GAB1: variants seen among roughly 807,000 people sequenced by gnomAD.
The protein encoded by GAB1 is GRB2-associated-binding protein 1.
In GAB1, 19 loss-of-function variants were observed where a neutral mutation model predicts 66.5. The ratio of observed to expected loss-of-function variants is 0.29; its 90% CI spans 0.20 to 0.42. The LOEUF (loss-of-function observed/expected upper bound fraction) is 0.42, where lower values mean the gene tolerates loss of function less well. GAB1 is among the 10% of genes least tolerant of loss of function. The pLI is 1.00. For missense variants in GAB1, 732 were observed against 858.5 expected, an observed-to-expected ratio of 0.85 and a Z score of 1.84; for synonymous variants, 294 against 301.4, an observed-to-expected ratio of 0.98 and a Z score of 0.25.
chr4:143,351,168 C>G (rs1302407279), intron 1 of GAB1, among the ~76,000 whole-genome samples: 1 of 152,214 alleles, frequency 6.6e-6, no homozygotes, highest in East Asian at 1.9e-4. Flanking sequence ...GACCCCCTCC[C>G]TTATCACAAG....
intron 1 of GAB1, among the ~76,000 whole-genome samples, chr4:143,355,753 C>A (rs978615601): frequency 6.6e-6 from 1 of 152,098 alleles, no homozygotes; most frequent in Non-Finnish European, 1.5e-5. Flanking sequence ...GGAAAAAATT[C>A]TTTCCTCATC....
chr4:143,410,064 A>G (rs1223812398), intron 1 of GAB1, among the ~76,000 whole-genome samples: 2 of 150,612 alleles, frequency 1.3e-5, no homozygotes, highest in African/African-American at 4.9e-5. Flanking sequence ...TTTTTTTTTA[A>G]GCAAAGCTCT....
chr4:143,367,905 A>G (rs540004078), intron 1 of GAB1, among the ~76,000 whole-genome samples: 1 of 151,718 alleles, frequency 6.6e-6, no homozygotes, highest in South Asian at 2.1e-4. Flanking sequence ...TTTGTATTTT[A>G]GTAGAGATGG....
intron 5 of GAB1, 80 bp downstream of exon 5, chr4:143,439,967 TATC>T: frequency 1.4e-6 from 2 of 1,386,624 alleles, no homozygotes; most frequent in Admixed American, 3.5e-5. Flanking sequence ...GACTAAGTGA[TATC>T]ATGAAATAAA....
chr4:143,459,507 T>G (rs538681486), intron 7 of GAB1, 29 bp downstream of exon 7: 10 of 1,129,022 alleles, frequency 8.9e-6, no homozygotes, highest in South Asian at 7.4e-5. Context: ...ATATGTAGTT[T>G]GTATGAATAA....
chr4:143,413,506 G>T (rs2149714993), intron 1 of GAB1, among the ~76,000 whole-genome samples: 1 of 152,196 alleles, frequency 6.6e-6, no homozygotes, highest in Admixed American at 6.5e-5. Context: ...AAATGTTGAT[G>T]ATTAAAGACC....
intron 2 of GAB1, chr4:143,425,454 G>A: frequency 1.3e-6 from 1 of 760,104 alleles, no homozygotes; most frequent in Non-Finnish European, 2.4e-6. Context: ...ATAGAGAGAG[G>A]CATCTTATGT....
intron 6 of GAB1, among the ~76,000 whole-genome samples, chr4:143,443,722 C>T (rs1734359892): frequency 6.6e-6 from 1 of 152,142 alleles, no homozygotes; most frequent in Non-Finnish European, 1.5e-5. Flanking sequence ...TAGTTCATTG[C>T]CCTATATGTC....
At chr4:143,349,830 A>G (rs1729125058) in intron 1 of GAB1, 8 of 1,584,976 alleles carry the variant, frequency 5.0e-6, no homozygotes, top group Non-Finnish European at 6.0e-6. Flanking sequence ...GCACTGGCAT[A>G]ATCTTCAAAA....
In GAB1 at chr4:143,469,048, A is replaced by G; in HGVS notation, c.1944A>G (p.Ser648=). ...TPPRKQKSSG[S]GSSVADERVD... ...TGTTTTAGCAAAAGAGCAGTGGCTC[A>G]GGCAGCAGTGTAGCAGATGAGAGAG... is the stretch of plus-strand genomic sequence containing the variant. The change falls in exon 10 of 10, where the codon TCA becomes TCG. Residue 648 remains serine, a synonymous_variant. Transcript: ENST00000262994. 6.2e-7 allele frequency: 1 copy of G among 1,614,006 alleles called. No homozygotes were observed. Among genetic ancestry groups the G allele is most frequent in the Non-Finnish European group, 8.5e-7 (1 of 1,179,928 alleles).
chr4:143,422,929 A>G (rs1560758551), intron 2 of GAB1, among the ~76,000 whole-genome samples: 1 of 152,256 alleles, frequency 6.6e-6, no homozygotes, highest in Non-Finnish European at 1.5e-5. Context: ...ACTAATGTTT[A>G]GTTCTTAGAA....
At chr4:143,402,493 T>C (rs149719258) in intron 1 of GAB1, among the ~76,000 whole-genome samples, 109 of 152,290 alleles carry the variant, frequency 7.2e-4, no homozygotes, top group African/African-American at 2.3e-3. Flanking sequence ...ATGTACAGTC[T>C]TAGGAATGAG....
At chr4:143,451,708 G>A (rs1578739550) in intron 6 of GAB1, among the ~76,000 whole-genome samples, 2 of 152,070 alleles carry the variant, frequency 1.3e-5, no homozygotes, top group East Asian at 1.9e-4. Context: ...GGTTCTTGAA[G>A]TCTTTGTTGA....
chr4:143,394,601 G>A (rs1731348641), intron 1 of GAB1, among the ~76,000 whole-genome samples: 1 of 152,038 alleles, frequency 6.6e-6, no homozygotes, highest in African/African-American at 2.4e-5. Context: ...AAGCAATTCT[G>A]TACCCCTTAG....
At position 143,386,870 on chromosome 4, in the gene GAB1, T is replaced by A. The variant is rs76080554; in HGVS notation, c.73-28607T>A. ...AGATTAGTAATACACAACATGTAGT[T>A]GCTGCAGAGATCATATGGCCTGCAA... is the stretch of plus-strand genomic sequence containing the variant. On this transcript the variant is annotated intron_variant, in intron 1 of 9. Coordinates refer to ENST00000262994, the MANE Select transcript of GAB1 (RefSeq NM_002039.4). Among the ~76,000 whole-genome samples, 817 of 152,296 alleles carry A rather than the reference T, an allele frequency of 5.4e-3. 8 individuals carry two copies. Among genetic ancestry groups the A allele is most frequent in the African/African-American group, 0.018 (739 of 41,552 alleles).
intron 1 of GAB1, among the ~76,000 whole-genome samples, chr4:143,404,172 A>G (rs1033589611): frequency 1.2e-4 from 18 of 152,256 alleles, no homozygotes; most frequent in African/African-American, 4.3e-4. Context: ...CCCAGAAATA[A>G]TTATTTTGGA....
intron 1 of GAB1, among the ~76,000 whole-genome samples, chr4:143,387,176 G>C (rs1257313962): frequency 1.3e-5 from 2 of 152,180 alleles, no homozygotes; most frequent in African/African-American, 4.8e-5. Flanking sequence ...TTTTTGCCCA[G>C]ACTGGAATGC....
chr4:143,373,868 AATAT>A (rs1553945760), intron 1 of GAB1, among the ~76,000 whole-genome samples: 1 of 93,670 alleles, frequency 1.1e-5, no homozygotes, highest in Non-Finnish European at 2.1e-5. Context: ...TAAATAAATA[AATAT>A]ATATATATAT....
At chr4:143,383,372 C>T (rs1344891649) in intron 1 of GAB1, among the ~76,000 whole-genome samples, 5 of 152,158 alleles carry the variant, frequency 3.3e-5, no homozygotes, top group Non-Finnish European at 7.4e-5. Flanking sequence ...ATTCTTTGTC[C>T]TCTTATAGAA....
Sources: gnomAD v4.1 joint callset for allele counts (sites outside exome capture counted in the v4.1 genomes callset) on GRCh38, gnomAD v4.1.1 for gene constraint, MANE v1.5 for transcripts, NCBI Gene and HGNC (gene_info 2026-07-23, HGNC 2026-07-21) for gene names.